IGDCC4: variants seen among roughly 807,000 people sequenced by gnomAD.
IGDCC4 encodes likely ortholog of mouse neighbor of Punc E11.
IGDCC4 carries 72 observed loss-of-function variants against 116.6 expected under a neutral mutation model. That is an observed-to-expected ratio of 0.62 (90% CI 0.51 to 0.75). IGDCC4 has a LOEUF of 0.75. Among genes scored for constraint, IGDCC4 ranks in the 30% least tolerant of loss-of-function variants. The probability of loss-of-function intolerance (pLI) is 0.00; values close to 1 mark genes in which losing one functional copy is unlikely to be tolerated. For synonymous variants in IGDCC4, 709 were observed against 719.9 expected (o/e 0.98, Z 0.24); for missense variants, 1,501 against 1,662.4 (o/e 0.90, Z 1.69).
chr15:65,412,920 G>T (rs1270196248), intron 1 of IGDCC4, among the ~76,000 whole-genome samples: 2 of 146,068 alleles, frequency 1.4e-5, no homozygotes, highest in Non-Finnish European at 3.0e-5. Flanking sequence ...TACATATATA[G>T]ATCTCTCTCT....
At chr15:65,399,631 C>A (rs183101744) in intron 5 of IGDCC4, among the ~76,000 whole-genome samples, 6 of 152,078 alleles carry the variant, frequency 3.9e-5, no homozygotes, top group Non-Finnish European at 5.9e-5. Context: ...GTCCTGCTGG[C>A]CCCCTAAGTA....
rs1043029066 is a variant in IGDCC4, at chr15:65,392,264, A to G, written c.1992T>C (p.Tyr664=). The change falls in exon 11 of 20, where the codon TAT becomes TAC. Residue 664 remains tyrosine, a synonymous_variant. Transcript: ENST00000352385. ...CCTCCTCAGCCCCCACCTCCCGCCA[A>G]TATAGTTTGTAGCCAGAGATCTGGG... ...HPTQISGYKL[Y]WREVGAEEEA... 6.2e-7 allele frequency: 1 copy of G among 1,610,322 alleles called. No individual in the cohort carries two copies. The highest frequency in any genetic ancestry group is 2.2e-5 in the East Asian group (1 of 44,776).
chr15:65,386,563 C>T lies in IGDCC4; in HGVS notation c.2939G>A (p.Arg980His), dbSNP rs147594173. Residue 980 changes from arginine (R) to histidine (H), a missense_variant, in exon 17 of 20, where the codon CGC becomes CAC. Physicochemically the swap from Arg to His is conservative, Grantham distance 29 (BLOSUM62 0). This residue lies in a region of IGDCC4 where 368 missense variants were observed against 355.6 expected (regional missense o/e 1.03). Coordinates refer to ENST00000352385, the MANE Select transcript of IGDCC4 (RefSeq NM_020962.3). ...LLACMCAGLR[R>H]SPHRESLPGL... ...CTCCCCTGCTCACCTGTGGGGGCTG[C>T]GGCGCAGGCCAGCACACATGCAGGC... The T allele has an allele frequency of 3.5e-4, 565 of 1,603,122 alleles. 2 individuals carry two copies. Among genetic ancestry groups the T allele is most frequent in the Middle Eastern group, 5.0e-4 (3 of 6,050 alleles).
At position 65,393,638 on chromosome 15, in the gene IGDCC4, G is replaced by A. The variant is rs2062889801; in HGVS notation, c.1715-107C>T. ...CACATCCCGGTTCCTCCGTGCCCGT[G>A]GGAGCCTGAGGCGTTCTCAGCACTG... On this transcript the variant is annotated intron_variant, in intron 9 of 19. Transcript: ENST00000352385. This position sits in a 1 kb window ranked among gnomAD's most constrained non-coding sequence, Gnocchi z 4.6. 8.6e-7 allele frequency: 1 copy of A among 1,165,440 alleles called. No homozygotes were observed. Among genetic ancestry groups the A allele is most frequent in the Non-Finnish European group, 1.2e-6 (1 of 833,316 alleles). 72.2% of individuals were successfully genotyped at this position (1,165,440 alleles called of 1,614,324 possible).
At chr15:65,411,903 A>G (rs773250700) in intron 1 of IGDCC4, among the ~76,000 whole-genome samples, 1 of 152,214 alleles carries the variant, frequency 6.6e-6, no homozygotes, top group Non-Finnish European at 1.5e-5. Context: ...CTAGAATTAG[A>G]TAGTGGCTGT....
rs761541490 is a variant in IGDCC4 at position 65,386,555 on chromosome 15, G to A, written c.2947C>T (p.His983Tyr). 7 of 1,598,996 alleles carry A rather than the reference G, an allele frequency of 4.4e-6. No individual in the cohort carries two copies. The highest frequency in any genetic ancestry group is 5.1e-6 in the Non-Finnish European group (6 of 1,175,410). The change falls in exon 17 of 20, where the codon CAC (histidine) becomes TAC (tyrosine). Residue 983 changes from histidine to tyrosine, a missense_variant. This residue lies in a region of IGDCC4 where 368 missense variants were observed against 355.6 expected (regional missense o/e 1.03). Transcript: ENST00000352385. Reference sequence around the variant, plus strand: ...CAGACTGGCTCCCCTGCTCACCTGTGGGGGCTGCGGCGCAGGCCAGCACAC... The same window carrying A: ...CAGACTGGCTCCCCTGCTCACCTGTAGGGGCTGCGGCGCAGGCCAGCACAC... Reference protein sequence around the residue: ...CMCAGLRRSPHRESLPGLSST... With the variant: ...CMCAGLRRSPYRESLPGLSST...
In IGDCC4 at chr15:65,384,820, C is replaced by T. The variant is rs2140186255; in HGVS notation, c.3342+134G>A. 1.6e-6 allele frequency: 2 copies of T among 1,231,382 alleles called. No homozygotes were observed. The highest frequency in any genetic ancestry group is 2.2e-6 in the Non-Finnish European group (2 of 899,560). The allele number at this position is 1,231,382 out of a possible 1,614,324, so 76.3% of individuals were successfully genotyped here. A position where few individuals can be genotyped will look rare whatever the true frequency, so the allele number is the denominator to read the frequency against. On this transcript the variant is annotated intron_variant, in intron 19 of 19. Coordinates refer to ENST00000352385, the MANE Select transcript of IGDCC4 (RefSeq NM_020962.3). The surrounding 1 kb of genome is among the most constrained non-coding windows in gnomAD (Gnocchi z 4.9). ...TCCACCTACTCAACCTTTGGAGGCT[C>T]CAGGGGTCTCCTGGCTAGACTTCTA... is the stretch of plus-strand genomic sequence containing the variant.
At chr15:65,410,347 C>T (rs368073722) in intron 2 of IGDCC4, 28 bp from the exon 3 acceptor site, 184 of 1,612,970 alleles carry the variant, frequency 1.1e-4, no homozygotes, top group South Asian at 7.1e-4. Context: ...CAGGCAGGGA[C>T]GGGAAAAGAA....
chr15:65,410,459 G>A lies in IGDCC4; in HGVS notation c.422-140C>T, dbSNP rs1468570730. ...ACACACAGCAGAGCCAATTCAGACC[G>A]AGGGAGACACAACAAGAAGTGGTGA... On this transcript the variant is annotated intron_variant, in intron 2 of 19. Transcript: ENST00000352385. 3.1e-5 allele frequency: 30 copies of A among 954,670 alleles called. No homozygotes were observed. The East Asian group carries it at 6.1e-4, about 19-fold the overall frequency. The allele number at this position is 954,670 out of a possible 1,614,324, so 59.1% of individuals were successfully genotyped here. A position where few individuals can be genotyped will look rare whatever the true frequency, so the allele number is the denominator to read the frequency against.
intron 2 of IGDCC4, 139 bp from the exon 3 acceptor site, chr15:65,410,458 C>T (rs994385522): frequency 4.7e-5 from 45 of 960,272 alleles, no homozygotes; most frequent in Non-Finnish European, 7.8e-6. Context: ...CAATTCAGAC[C>T]GAGGGAGACA....
intron 7 of IGDCC4, 47 bp downstream of exon 7, chr15:65,395,703 G>T (rs1322593696): frequency 1.4e-6 from 2 of 1,394,590 alleles, no homozygotes; most frequent in Non-Finnish European, 1.9e-6. Context: ...TTCTGGCTGC[G>T]CCCCGCCCGG....
Position 65,411,301 on chromosome 15 carries a change from A to C in IGDCC4, c.140T>G (p.Leu47Arg). The change falls in exon 2 of 20, where the codon CTG becomes CGG. Residue 47 changes from leucine to arginine, a missense_variant. Physicochemically the swap from Leu to Arg is moderately radical, Grantham distance 102. Coordinates refer to ENST00000352385, the MANE Select transcript of IGDCC4 (RefSeq NM_020962.3). The part of the protein sequence containing the change: ...SCGVGPLQVI[L>R]GPEQAAVLNC... ...TAGCACTGCAGCCTGCTCTGGGCCC[A>C]GGATCACTTGCAGTGGCCCCACTCC... 1 of 1,610,692 alleles carries C rather than the reference A, an allele frequency of 6.2e-7. No homozygotes were observed. Among genetic ancestry groups the C allele is most frequent in the Non-Finnish European group, 8.5e-7 (1 of 1,177,958 alleles).
intron 13 of IGDCC4, among the ~76,000 whole-genome samples, chr15:65,389,848 A>G (rs568469633): frequency 6.6e-6 from 1 of 152,162 alleles, no homozygotes; most frequent in South Asian, 2.1e-4. Flanking sequence ...GGTTCTCTTC[A>G]CCATCAGACT....
At chr15:65,417,184 C>T (rs1437305010) in intron 1 of IGDCC4, among the ~76,000 whole-genome samples, 5 of 152,186 alleles carry the variant, frequency 3.3e-5, no homozygotes, top group Admixed American at 6.5e-5. Flanking sequence ...GAACACAAGT[C>T]GGTTCCTTCC....
chr15:65,390,295 G>A lies in IGDCC4; in HGVS notation c.2268C>T (p.Val756=). Residue 756 remains valine (V), a synonymous_variant, in exon 13 of 20, where the codon GTC becomes GTT. Coordinates refer to ENST00000352385, the MANE Select transcript of IGDCC4 (RefSeq NM_020962.3). The part of the protein sequence containing the change: ...QRGPPLPPAH[V]HAESNSSTSI... ...ATGTGGAGCTGTTTGATTCCGCATGGACGTGGGCTGGAGGCAGGGGTGGTC... is the reference window on the plus strand; with the variant it reads ...ATGTGGAGCTGTTTGATTCCGCATGAACGTGGGCTGGAGGCAGGGGTGGTC... 2 of 1,611,730 alleles carry A rather than the reference G, an allele frequency of 1.2e-6. No homozygotes were observed. The highest frequency in any genetic ancestry group is 1.7e-4 in the Middle Eastern group (1 of 5,974).
At chr15:65,394,654 C>T (rs2062903247) in intron 8 of IGDCC4, 106 bp from the exon 9 acceptor site, 2 of 1,128,696 alleles carry the variant, frequency 1.8e-6, no homozygotes, top group Non-Finnish European at 2.5e-6. Context: ...CAGAAGTAGG[C>T]CAGGACCAGG....
intron 6 of IGDCC4, chr15:65,396,427 G>A (rs2062928051): frequency 3.3e-6 from 2 of 614,544 alleles, no homozygotes; most frequent in East Asian, 3.1e-5. Flanking sequence ...CCTAAATATT[G>A]CTCCTCCCGG....
chr15:65,422,168 AC>A, intron 1 of IGDCC4, among the ~76,000 whole-genome samples: 1 of 151,528 alleles, frequency 6.6e-6, no homozygotes, highest in South Asian at 2.1e-4. Context: ...CCCCTCTCTA[AC>A]CGGCCCCAGG....
chr15:65,412,487 G>C (rs1303019573), intron 1 of IGDCC4, among the ~76,000 whole-genome samples: 1 of 129,438 alleles, frequency 7.7e-6, no homozygotes, highest in South Asian at 2.7e-4. Context: ...ACTCCAGCCT[G>C]GGTGACAGAA....
Sources: allele counts gnomAD v4.1 joint callset (sites outside exome capture counted in the v4.1 genomes callset), GRCh38; gene constraint gnomAD v4.1.1; regional missense constraint gnomAD v4.1.1; non-coding constraint Gnocchi (gnomAD v3.1); transcripts MANE v1.5; gene names NCBI Gene and HGNC (gene_info 2026-07-23, HGNC 2026-07-21).